NALF1: variants seen among roughly 807,000 people sequenced by gnomAD.
NALF1 encodes the protein NALCN channel auxiliary factor 1.
Under a neutral mutation model 48.4 loss-of-function variants are expected in NALF1, and 3 were observed. That is an observed-to-expected ratio of 0.06 (90% confidence interval 0.03 to 0.16). The LOEUF is 0.16. Ranked by LOEUF, NALF1 falls within the 10% of genes least tolerant of loss-of-function variation. The probability of loss-of-function intolerance (pLI) is 1.00; values close to 1 mark genes in which losing one functional copy is unlikely to be tolerated. For missense variants in NALF1, 526 were observed against 571.5 expected, an observed-to-expected ratio of 0.92 and a Z score of 0.81; for synonymous variants, 262 against 245.7, an observed-to-expected ratio of 1.07 and a Z score of -0.62.
At chr13:107,864,469 C>CT (rs1240977521) in intron 1 of NALF1, among the ~76,000 whole-genome samples, 1 of 152,194 alleles carries the variant, frequency 6.6e-6, no homozygotes, top group Non-Finnish European at 1.5e-5. Flanking sequence ...CCACCCTTGA[C>CT]TTTATTTTCC....
At chr13:107,769,482 T>C (rs1403796653) in intron 1 of NALF1, among the ~76,000 whole-genome samples, 4 of 137,212 alleles carry the variant, frequency 2.9e-5, no homozygotes, top group Middle Eastern at 4.1e-3. Context: ...TAGGTGGGAA[T>C]TGAACAATGA....
At chr13:107,225,825 G>A (rs527828810) in intron 1 of NALF1, among the ~76,000 whole-genome samples, 3 of 151,854 alleles carry the variant, frequency 2.0e-5, no homozygotes, top group South Asian at 2.1e-4. Context: ...GCACACACAC[G>A]CACGCACACA....
chr13:107,447,205 T>G (rs2139031732), intron 1 of NALF1, among the ~76,000 whole-genome samples: 1 of 152,196 alleles, frequency 6.6e-6, no homozygotes, highest in South Asian at 2.1e-4. Flanking sequence ...CTCCTTCTCC[T>G]TCTTTTCCCT....
chr13:107,194,531 T>C (rs1274453009), intron 2 of NALF1, among the ~76,000 whole-genome samples: 1 of 152,090 alleles, frequency 6.6e-6, no homozygotes, highest in African/African-American at 2.4e-5. Flanking sequence ...TATAGAAGAA[T>C]AAAACTGGAG....
At chr13:107,303,004 A>G (rs988138157) in intron 1 of NALF1, among the ~76,000 whole-genome samples, 1 of 152,198 alleles carries the variant, frequency 6.6e-6, no homozygotes, top group Non-Finnish European at 1.5e-5. Context: ...TTGAACTTGC[A>G]TGACGTGCTC....
intron 1 of NALF1, among the ~76,000 whole-genome samples, chr13:107,588,092 G>C (rs532411716): frequency 6.6e-6 from 1 of 152,024 alleles, no homozygotes; most frequent in South Asian, 2.1e-4. Flanking sequence ...CACAATTCTC[G>C]CATCAAGTGG....
intron 1 of NALF1, among the ~76,000 whole-genome samples, chr13:107,266,699 A>G (rs984158476): frequency 1.3e-5 from 2 of 152,234 alleles, no homozygotes; most frequent in Admixed American, 6.5e-5. Context: ...CCAAAGTCCC[A>G]GCACCTCACA....
At chr13:107,544,943 A>C (rs973297516) in intron 1 of NALF1, among the ~76,000 whole-genome samples, 1 of 152,194 alleles carries the variant, frequency 6.6e-6, no homozygotes, top group Non-Finnish European at 1.5e-5. Flanking sequence ...CTGTGCGACA[A>C]CACAGTCACA....
intron 1 of NALF1, among the ~76,000 whole-genome samples, chr13:107,597,634 C>G (rs1878792460): frequency 6.6e-6 from 1 of 151,178 alleles, no homozygotes; most frequent in African/African-American, 2.4e-5. Context: ...AATATAAAAG[C>G]TTACAAAAGA....
At chr13:107,507,069 T>C (rs1271455730) in intron 1 of NALF1, among the ~76,000 whole-genome samples, 1 of 152,162 alleles carries the variant, frequency 6.6e-6, no homozygotes, top group East Asian at 1.9e-4. Flanking sequence ...AAATTTTAAT[T>C]GAATAGTTGG....
intron 1 of NALF1, among the ~76,000 whole-genome samples, chr13:107,704,208 T>A (rs1322781348): frequency 2.6e-5 from 4 of 152,188 alleles, no homozygotes; most frequent in Non-Finnish European, 5.9e-5. Flanking sequence ...CCCACTACCC[T>A]CTATTCATTG....
At chr13:107,194,052 CTATCTATA>C (rs879808462) in intron 2 of NALF1, among the ~76,000 whole-genome samples, 5,344 of 80,512 alleles carry the variant, frequency 0.066, 295 homozygotes, top group African/African-American at 0.21. Context: ...ATCTATCTAT[CTATCTATA>C]TATCAATCTA....
chr13:107,355,237 G>A (rs1882942352), intron 1 of NALF1, among the ~76,000 whole-genome samples: 1 of 152,058 alleles, frequency 6.6e-6, no homozygotes, highest in Non-Finnish European at 1.5e-5. Flanking sequence ...TCATCTTAGG[G>A]AACAAAATGT....
At chr13:107,791,489 A>G (rs1878231613) in intron 1 of NALF1, among the ~76,000 whole-genome samples, 1 of 152,186 alleles carries the variant, frequency 6.6e-6, no homozygotes, top group Non-Finnish European at 1.5e-5. Flanking sequence ...TTTTGTAATT[A>G]GATATATTTT....
chr13:107,733,270 C>T (rs1294926655), intron 1 of NALF1, among the ~76,000 whole-genome samples: 1 of 152,202 alleles, frequency 6.6e-6, no homozygotes, highest in East Asian at 1.9e-4. Flanking sequence ...CCAGCAGTGA[C>T]AGCAGCACAT....
chr13:107,579,515 CA>C, intron 1 of NALF1, among the ~76,000 whole-genome samples: 1 of 152,296 alleles, frequency 6.6e-6, no homozygotes. Flanking sequence ...GAATCCAGGC[CA>C]CCCTCTCCCC....
chr13:107,472,544 CA>C (rs1885117920), intron 1 of NALF1, among the ~76,000 whole-genome samples: 1 of 152,094 alleles, frequency 6.6e-6, no homozygotes, highest in Admixed American at 6.6e-5. Flanking sequence ...AATCAGCTGC[CA>C]GTGTGGCTAG....
intron 1 of NALF1, among the ~76,000 whole-genome samples, chr13:107,694,738 G>C (rs779444717): frequency 2.6e-5 from 4 of 151,254 alleles, no homozygotes; most frequent in Non-Finnish European, 2.9e-5. Flanking sequence ...TTAGAAAACA[G>C]ATTTATTTTC....
At chr13:107,820,753 A>G (rs563852428) in intron 1 of NALF1, among the ~76,000 whole-genome samples, 11 of 152,330 alleles carry the variant, frequency 7.2e-5, no homozygotes, top group African/African-American at 2.6e-4. Context: ...TGCTGCTTAC[A>G]GCGATTTTCC....
Sources: gnomAD v4.1 joint callset for allele counts (sites outside exome capture counted in the v4.1 genomes callset) on GRCh38, gnomAD v4.1.1 for gene constraint, MANE v1.5 for transcripts, NCBI Gene and HGNC (gene_info 2026-07-23, HGNC 2026-07-21) for gene names.